ZNF362: variants seen among roughly 807,000 people sequenced by gnomAD.
ZNF362 encodes rotund homolog.
Under a neutral mutation model 42.9 loss-of-function variants are expected in ZNF362, and 11 were observed. That is an observed-to-expected ratio of 0.26 (90% CI 0.16 to 0.42). The LOEUF (loss-of-function observed/expected upper bound fraction) is 0.42, where lower values mean the gene tolerates loss of function less well. ZNF362 is among the 20% of genes least tolerant of loss of function. The pLI, the probability that ZNF362 is intolerant of heterozygous loss-of-function variation, is 1.00. For missense variants in ZNF362, 362 were observed against 576.2 expected (o/e 0.63, Z 3.81); for synonymous variants, 255 against 257.3 (o/e 0.99, Z 0.09).
At chr1:33,277,579 G>A (rs527803291) in intron 4 of ZNF362, among the ~76,000 whole-genome samples, 3 of 152,312 alleles carry the variant, frequency 2.0e-5, no homozygotes, top group African/African-American at 7.2e-5. Flanking sequence ...GGGTAAGCAT[G>A]GAAGCAGGGA....
At chr1:33,276,913 G>A (rs907448495) in intron 4 of ZNF362, among the ~76,000 whole-genome samples, 1 of 152,266 alleles carries the variant, frequency 6.6e-6, no homozygotes, top group Non-Finnish European at 1.5e-5. Flanking sequence ...GGAATCCAGA[G>A]AACGACCCTG....
the ZNF362 span, among the ~76,000 whole-genome samples, chr1:33,215,266 T>C: frequency 2.6e-5 from 4 of 152,150 alleles, no homozygotes; most frequent in East Asian, 7.7e-4. Context: ...TCTCATGTTC[T>C]CACTTATATG....
the ZNF362 span, chr1:33,181,573 G>T: frequency 7.2e-7 from 1 of 1,385,722 alleles, no homozygotes; most frequent in South Asian, 1.5e-5. This position sits in a 1 kb window ranked among gnomAD's most constrained non-coding sequence, Gnocchi z 6.5. Context: ...GAGAAGGGAG[G>T]GGGTGCTGTC....
intron 1 of ZNF362, among the ~76,000 whole-genome samples, chr1:33,267,842 A>G (rs750702689): frequency 1.3e-5 from 2 of 152,132 alleles, no homozygotes; most frequent in African/African-American, 4.8e-5. Flanking sequence ...AACTTTTTCT[A>G]TATTTTTCTA....
the ZNF362 span, among the ~76,000 whole-genome samples, chr1:33,202,691 T>A: frequency 6.6e-6 from 1 of 151,980 alleles, no homozygotes; most frequent in Non-Finnish European, 1.5e-5. Context: ...CACTATAATT[T>A]ATCATGTTGA....
At chr1:33,243,242 C>T in the ZNF362 span, among the ~76,000 whole-genome samples, 33 of 151,584 alleles carry the variant, frequency 2.2e-4, no homozygotes, top group Admixed American at 1.2e-3. Context: ...TGAAACCCTC[C>T]GCCTCCTGGG....
the ZNF362 span, chr1:33,158,221 C>T: frequency 1.9e-6 from 3 of 1,597,474 alleles, no homozygotes; most frequent in Non-Finnish European, 2.6e-6. Context: ...CATGCCCCAC[C>T]TAGCTCTGGA....
chr1:33,194,695 T>A, the ZNF362 span: 1 of 152,170 alleles, frequency 6.6e-6, no homozygotes, highest in Non-Finnish European at 1.5e-5. Flanking sequence ...AATGTTATAA[T>A]GTTATAATAT....
chr1:33,181,149 G>T, the ZNF362 span: 1 of 1,599,756 alleles, frequency 6.3e-7, no homozygotes, highest in Non-Finnish European at 8.5e-7. The surrounding 1 kb of genome is among the most constrained non-coding windows in gnomAD (Gnocchi z 6.5). Flanking sequence ...CTTGTCGTGC[G>T]CCTGGCAGGG....
the ZNF362 span, among the ~76,000 whole-genome samples, chr1:33,204,598 A>G: frequency 3.9e-5 from 6 of 152,218 alleles, no homozygotes; most frequent in African/African-American, 1.4e-4. Context: ...ATTCTAATCC[A>G]TGAACATAGG....
the ZNF362 span, among the ~76,000 whole-genome samples, chr1:33,170,356 A>G: frequency 6.6e-6 from 1 of 151,548 alleles, no homozygotes; most frequent in African/African-American, 2.4e-5. Context: ...TAGATTGTAC[A>G]TTCCAGCCTG....
chr1:33,299,328 T>G lies in ZNF362; in HGVS notation c.*282T>G. On this transcript the variant is annotated 3_prime_UTR_variant, in exon 9 of 9. Coordinates refer to ENST00000539719, the MANE Select transcript of ZNF362 (RefSeq NM_152493.3). Reference sequence around the variant, plus strand: ...TTTTTGTTCCCCACCCTTCACTTGCTTCACTGTTTTTTTTTTTTTCGTTTT... The same window carrying G: ...TTTTTGTTCCCCACCCTTCACTTGCGTCACTGTTTTTTTTTTTTTCGTTTT... The G allele has an allele frequency of 7.5e-6, 2 of 267,280 alleles. No homozygotes were observed. Among genetic ancestry groups the G allele is most frequent in the Admixed American group, 5.5e-5 (1 of 18,308 alleles). The allele number at this position is 267,280 out of a possible 1,614,324, so 16.6% of individuals were successfully genotyped here.
chr1:33,269,931 T>G (rs1324213001), intron 1 of ZNF362, among the ~76,000 whole-genome samples: 1 of 152,142 alleles, frequency 6.6e-6, no homozygotes, highest in African/African-American at 2.4e-5. Flanking sequence ...AGTTCCCCTC[T>G]CTGGAGCTTG....
In ZNF362 at chr1:33,294,612, G is replaced by C. The variant is rs1646103944; in HGVS notation, c.909-325G>C. ...TTTGCAATATGTGGTCCGTAGTGTG[G>C]GGTTTTCAAAGAGAGGGGCAGCCAA... On this transcript the variant is annotated intron_variant, in intron 6 of 8. Transcript: ENST00000539719. The surrounding 1 kb of genome is among the most constrained non-coding windows in gnomAD (Gnocchi z 4.2). Among the ~76,000 whole-genome samples the C allele has an allele frequency of 6.6e-6, 1 of 152,190 alleles. No individual in the cohort carries two copies. The highest frequency in any genetic ancestry group is 2.1e-4 in the South Asian group (1 of 4,834).
At position 33,281,731 on chromosome 1, in the gene ZNF362, C is replaced by T; in HGVS notation, c.828C>T (p.Ile276=). The change falls in exon 6 of 9, where the codon ATC becomes ATT. Residue 276 remains isoleucine (I), a synonymous_variant. Coordinates refer to ENST00000539719, the MANE Select transcript of ZNF362 (RefSeq NM_152493.3). The surrounding 1 kb of genome is among the most constrained non-coding windows in gnomAD (Gnocchi z 4.8). The part of the protein sequence containing the change: ...NASYLAQHLR[I]HLGVKPYHCS... ...CCTACCTGGCCCAGCACCTGCGCAT[C>T]CACCTGGGCGTCAAGCCCTACCACT... 6.2e-7 allele frequency: 1 copy of T among 1,614,260 alleles called. No homozygotes were observed. Among genetic ancestry groups the T allele is most frequent in the Non-Finnish European group, 8.5e-7 (1 of 1,180,044 alleles).
At chr1:33,189,649 ATATATATATATATATATATATATG>A in the ZNF362 span, among the ~76,000 whole-genome samples, 46 of 16,164 alleles carry the variant, frequency 2.8e-3, 1 homozygote, top group East Asian at 5.9e-3. Flanking sequence ...ATATATATAT[ATATATATATATATATATATATATG>A]TATATATATA....
chr1:33,218,932 T>TACACACACACACACACACACAC, the ZNF362 span, among the ~76,000 whole-genome samples: 3 of 121,092 alleles, frequency 2.5e-5, no homozygotes, highest in African/African-American at 6.1e-5. Flanking sequence ...GAGCTGGACA[T>TACACACACACACACACACACAC]ACACACACAC....
chr1:33,292,494 A>G (rs75717987), intron 6 of ZNF362, among the ~76,000 whole-genome samples: 2 of 152,236 alleles, frequency 1.3e-5, no homozygotes. Flanking sequence ...GGATTTTTGC[A>G]TCGATGTTCA....
Position 33,280,693 on chromosome 1 carries a change from G to C in ZNF362, c.683+236G>C, listed in dbSNP as rs1442946965. Among the ~76,000 whole-genome samples, 2 of 152,212 alleles carry C rather than the reference G, an allele frequency of 1.3e-5. No homozygotes were observed. The highest frequency in any genetic ancestry group is 2.9e-5 in the Non-Finnish European group (2 of 68,028). ...GACCCTTAGGTGTGGTCTGTGGCTG[G>C]CAGCCACCCCCACAGCCTGGGGTTG... On this transcript the variant is annotated intron_variant, in intron 5 of 8. Coordinates refer to ENST00000539719, the MANE Select transcript of ZNF362 (RefSeq NM_152493.3). The surrounding 1 kb of genome is among the most constrained non-coding windows in gnomAD (Gnocchi z 5.6).
Sources: allele counts gnomAD v4.1 joint callset (sites outside exome capture counted in the v4.1 genomes callset), GRCh38; gene constraint gnomAD v4.1.1; non-coding constraint Gnocchi (gnomAD v3.1); transcripts MANE v1.5; gene names NCBI Gene and HGNC (gene_info 2026-07-23, HGNC 2026-07-21).